Variants in PRKAR1B observed in about 807,000 individuals in gnomAD.
PRKAR1B encodes the protein cAMP-dependent protein kinase type I-beta regulatory subunit.
PRKAR1B carries 22 observed loss-of-function variants against 46.5 expected under a neutral mutation model. That is an observed-to-expected ratio of 0.47 (90% CI 0.34 to 0.68). The LOEUF is 0.68. PRKAR1B is among the 30% of genes least tolerant of loss of function. The pLI is 0.01. For synonymous variants in PRKAR1B, 259 were observed against 217.7 expected, an observed-to-expected ratio of 1.19 and a Z score of -1.67; for missense variants, 445 against 535.6, an observed-to-expected ratio of 0.83 and a Z score of 1.67.
intron 4 of PRKAR1B, among the ~76,000 whole-genome samples, chr7:636,439 C>CTGT (rs1784107977): frequency 2.5e-5 from 2 of 79,980 alleles, no homozygotes; most frequent in Non-Finnish European, 6.1e-5. Flanking sequence ...CCACCGGCCG[C>CTGT]GCCCTCACGT....
At chr7:611,981 GGATGGATGGATGGACA>G (rs1455647425) in intron 4 of PRKAR1B, among the ~76,000 whole-genome samples, 1 of 151,720 alleles carries the variant, frequency 6.6e-6, no homozygotes, top group Non-Finnish European at 1.5e-5. Context: ...ACGGATGGAT[GGATGGATGGATGGACA>G]GATGGATGGA....
chr7:640,789 CACACACACACACACACACAG>C (rs1027920796), intron 4 of PRKAR1B, among the ~76,000 whole-genome samples: 22 of 124,564 alleles, frequency 1.8e-4, no homozygotes, highest in South Asian at 1.4e-3. Context: ...CACACACACA[CACACACACACACACACACAG>C]ACACAAATGA....
intron 6 of PRKAR1B, among the ~76,000 whole-genome samples, chr7:601,357 C>T (rs1203886735): frequency 6.6e-6 from 1 of 152,262 alleles, no homozygotes; most frequent in African/African-American, 2.4e-5. Flanking sequence ...AGGGTTCACA[C>T]AGCAGCTGGA....
intron 9 of PRKAR1B, 29 bp from the exon 10 acceptor site, chr7:551,499 G>A (rs1784192705): frequency 2.0e-6 from 3 of 1,536,778 alleles, no homozygotes; most frequent in East Asian, 2.4e-5. Flanking sequence ...AGACGTGAGT[G>A]CCAGCCAGGC....
At chr7:631,295 G>A (rs950715079) in intron 4 of PRKAR1B, among the ~76,000 whole-genome samples, 5 of 152,218 alleles carry the variant, frequency 3.3e-5, no homozygotes, top group African/African-American at 1.2e-4. Flanking sequence ...CAGCAAGATG[G>A]AAGTTGACAG....
Position 658,408 on chromosome 7 carries a change from C to T in PRKAR1B, c.440+18821G>A, listed in dbSNP as rs113710856. Among the ~76,000 whole-genome samples the T allele has an allele frequency of 2.6e-5, 4 of 152,286 alleles. 1 individual carries two copies. The highest frequency in any genetic ancestry group is 9.6e-5 in the African/African-American group (4 of 41,556). ...TATGACTGCACCACTGTGCTCCAGC[C>T]TGGGCAATAGAGTGAGACCTTGTCT... On this transcript the variant is annotated intron_variant, in intron 4 of 10. Transcript: ENST00000537384.
chr7:690,153 AGG>A (rs1344223718), intron 2 of PRKAR1B, among the ~76,000 whole-genome samples: 3 of 151,836 alleles, frequency 2.0e-5, no homozygotes, highest in East Asian at 3.9e-4. Context: ...AAAATTAGCC[AGG>A]CGTGGTGGTG....
intron 2 of PRKAR1B, among the ~76,000 whole-genome samples, chr7:689,689 T>A (rs1779301973): frequency 9.8e-6 from 1 of 102,224 alleles, no homozygotes; most frequent in African/African-American, 5.3e-5. Flanking sequence ...AAGAGAAGAC[T>A]TTTTTTTTGA....
chr7:679,056 C>G (rs1049330471), intron 3 of PRKAR1B, among the ~76,000 whole-genome samples: 4 of 152,208 alleles, frequency 2.6e-5, no homozygotes, highest in Non-Finnish European at 5.9e-5. Context: ...CCATTGCACT[C>G]CAGCCTGGAC....
In PRKAR1B at chr7:667,815, G is replaced by C. The variant is rs994843416; in HGVS notation, c.440+9414C>G. Among the ~76,000 whole-genome samples, 1 of 152,162 alleles carries C rather than the reference G, an allele frequency of 6.6e-6. No individual in the cohort carries two copies. Among genetic ancestry groups the C allele is most frequent in the African/African-American group, 2.4e-5 (1 of 41,426 alleles). ...TGACACTATGCCTCTCACAGATCCT[G>C]TGCAAAGGCCCAGGGAAACCCTTCG... On this transcript the variant is annotated intron_variant, in intron 4 of 10. Coordinates refer to ENST00000537384, the MANE Select transcript of PRKAR1B (RefSeq NM_001164760.2). This position sits in a 1 kb window ranked among gnomAD's most constrained non-coding sequence, Gnocchi z 4.3.
At chr7:580,504 G>A (rs1780111899) in intron 8 of PRKAR1B, among the ~76,000 whole-genome samples, 1 of 152,150 alleles carries the variant, frequency 6.6e-6, no homozygotes, top group Non-Finnish European at 1.5e-5. Context: ...ACATGGAACT[G>A]CATTTATGTT....
chr7:652,510 A>G (rs1784965261), intron 4 of PRKAR1B, among the ~76,000 whole-genome samples: 1 of 151,740 alleles, frequency 6.6e-6, no homozygotes, highest in Admixed American at 6.6e-5. Context: ...ACACAGTGCT[A>G]GGAACCTGGG....
chr7:694,973 T>C (rs1293101472), intron 2 of PRKAR1B, among the ~76,000 whole-genome samples: 2 of 150,926 alleles, frequency 1.3e-5, no homozygotes, highest in African/African-American at 4.9e-5. Flanking sequence ...GAGGCGGAAG[T>C]TGCAGTGAGC....
At chr7:576,693 C>T (rs556950258) in intron 9 of PRKAR1B, among the ~76,000 whole-genome samples, 9 of 151,586 alleles carry the variant, frequency 5.9e-5, no homozygotes, top group South Asian at 2.1e-4. Flanking sequence ...ATGCCCCAGC[C>T]GGCCTGGTGC....
At chr7:583,166 C>T (rs1389821690) in intron 8 of PRKAR1B, among the ~76,000 whole-genome samples, 2 of 151,864 alleles carry the variant, frequency 1.3e-5, no homozygotes, top group Non-Finnish European at 2.9e-5. Flanking sequence ...GACTCAACGG[C>T]CCTGAAATGC....
At chr7:573,032 C>T (rs936588568) in intron 9 of PRKAR1B, among the ~76,000 whole-genome samples, 3 of 152,158 alleles carry the variant, frequency 2.0e-5, no homozygotes, top group African/African-American at 4.8e-5. Context: ...CCGGCCGGGC[C>T]CCGCCGCACC....
At chr7:564,628 T>G (rs1779022784) in intron 9 of PRKAR1B, among the ~76,000 whole-genome samples, 1 of 152,120 alleles carries the variant, frequency 6.6e-6, no homozygotes, top group Admixed American at 6.5e-5. Flanking sequence ...TGGAGGGCAT[T>G]CCTAGGCCTC....
At chr7:578,875 T>C (rs1226432858) in intron 9 of PRKAR1B, 1 of 378,312 alleles carries the variant, frequency 2.6e-6, no homozygotes, top group Non-Finnish European at 4.3e-6. Context: ...AGAGACGGGG[T>C]TTCACCATGT....
intron 4 of PRKAR1B, among the ~76,000 whole-genome samples, chr7:635,456 C>A (rs1287919818): frequency 6.6e-6 from 1 of 152,188 alleles, no homozygotes; most frequent in Non-Finnish European, 1.5e-5. Flanking sequence ...CCTGCCTGCA[C>A]CCCCCTGGGG....
Sources: gnomAD v4.1 joint callset for allele counts (sites outside exome capture counted in the v4.1 genomes callset) on GRCh38, gnomAD v4.1.1 for gene constraint, Gnocchi (gnomAD v3.1) non-coding constraint, MANE v1.5 for transcripts, NCBI Gene and HGNC (gene_info 2026-07-23, HGNC 2026-07-21) for gene names.